JADE2: variants seen among roughly 807,000 people sequenced by gnomAD.
JADE2 encodes the protein jade family PHD finger 2.
JADE2 carries 13 observed loss-of-function variants against 85.7 expected under a neutral mutation model. The observed-to-expected ratio is 0.15, with a 90% CI of 0.10 to 0.24. JADE2 has a LOEUF of 0.24. Among genes scored for constraint, JADE2 ranks in the 10% least tolerant of loss-of-function variants. The pLI is 1.00. For missense variants in JADE2, 846 were observed against 1,115.9 expected, an observed-to-expected ratio of 0.76 and a Z score of 3.45; for synonymous variants, 440 against 456.1, an observed-to-expected ratio of 0.96 and a Z score of 0.45.
At chr5:134,537,897 G>A (rs955179390) in intron 2 of JADE2, 92 bp from the exon 3 acceptor site, 24 of 900,910 alleles carry the variant, frequency 2.7e-5, no homozygotes, top group African/African-American at 2.3e-4. Flanking sequence ...CATTCTAGCC[G>A]GGGCTTTGCT....
At chr5:134,535,978 C>A in intron 2 of JADE2, 63 bp downstream of exon 2, 1 of 1,391,816 alleles carries the variant, frequency 7.2e-7, no homozygotes, top group Non-Finnish European at 1.0e-6. Context: ...GGCCCACAGG[C>A]CCAGATGGGA....
rs1561716509 is a variant in JADE2 at position 134,525,743 on chromosome 5, GT to G, written c.-268del. 1 of 1,226,486 alleles carries G rather than the reference GT, an allele frequency of 8.2e-7. No individual in the cohort carries two copies. The highest frequency in any genetic ancestry group is 1.0e-6 in the Non-Finnish European group (1 of 962,622). The allele number at this position is 1,226,486 out of a possible 1,614,324, so 76.0% of individuals were successfully genotyped here. A position where few individuals can be genotyped will look rare whatever the true frequency, so the allele number is the denominator to read the frequency against. ...AGTTGGAGGCTATTTTTTGGGGGGG[GT>G]GAGTAGCGTCCATGGAGTTACTTTG... On this transcript the variant is annotated 5_prime_UTR_variant, in exon 1 of 12. It introduces an in-frame stop codon into an upstream open reading frame of the 5' UTR. Coordinates refer to ENST00000681547, the MANE Select transcript of JADE2 (RefSeq NM_001388185.1).
At chr5:134,551,516 A>T (rs560356037) in intron 3 of JADE2, among the ~76,000 whole-genome samples, 392 of 147,652 alleles carry the variant, frequency 2.7e-3, no homozygotes, top group South Asian at 6.0e-3. Flanking sequence ...GGTGTGAGCC[A>T]CCTTGCCTGG....
Position 134,535,977 on chromosome 5 carries a change from G to A in JADE2, c.58+62G>A, listed in dbSNP as rs1761560217. On this transcript the variant is annotated intron_variant, in intron 2 of 11. Transcript: ENST00000681547. ...ATTTGAACAGTGATCAGGCCCACAG[G>A]CCCAGATGGGAGGAGGCTGCCCTGT... 6 of 1,394,964 alleles carry A rather than the reference G, an allele frequency of 4.3e-6. No individual in the cohort carries two copies. The East Asian group carries it at 1.4e-4, about 32-fold the overall frequency. The allele number at this position is 1,394,964 out of a possible 1,614,324, so 86.4% of individuals were successfully genotyped here.
intron 3 of JADE2, among the ~76,000 whole-genome samples, chr5:134,541,451 C>T (rs961153863): frequency 6.6e-6 from 1 of 152,254 alleles, no homozygotes; most frequent in African/African-American, 2.4e-5. Context: ...TGGGCGGGGC[C>T]TTTATGGTCT....
At chr5:134,526,452 C>T (rs1760826332) in intron 1 of JADE2, 1 of 985,070 alleles carries the variant, frequency 1.0e-6, no homozygotes, top group Non-Finnish European at 1.2e-6. Flanking sequence ...TCGAGCGGCC[C>T]GGGCGGGGGC....
In JADE2 at chr5:134,536,497, C is replaced by T. The variant is rs910125584; in HGVS notation, c.58+582C>T. On this transcript the variant is annotated intron_variant, in intron 2 of 11. Transcript: ENST00000681547. Reference sequence around the variant, plus strand: ...TGTATGGATTGGCATGTCAATTGGACGTGATGGTTGCGGGGAGGGGTGCGT... The same window carrying T: ...TGTATGGATTGGCATGTCAATTGGATGTGATGGTTGCGGGGAGGGGTGCGT... Among the ~76,000 whole-genome samples, 5 of 152,136 alleles carry T rather than the reference C, an allele frequency of 3.3e-5. No individual in the cohort carries two copies. The East Asian group carries it at 5.8e-4, about 18-fold the overall frequency.
rs764063899 is a variant in JADE2, at chr5:134,576,718, G to T, written c.1553-50G>T. The T allele has an allele frequency of 7.1e-6, 11 of 1,549,066 alleles. No individual in the cohort carries two copies. In the South Asian group the frequency reaches 1.1e-4, roughly 15 times the overall value. On this transcript the variant is annotated intron_variant, in intron 10 of 11. Transcript: ENST00000681547. ...ACGCAGGGATCTTGGTGCTGACCGAGGCCACTCAGGGTAACCATCTCCCTC... is the reference window on the plus strand; with the variant it reads ...ACGCAGGGATCTTGGTGCTGACCGATGCCACTCAGGGTAACCATCTCCCTC...
At chr5:134,551,403 A>G (rs1159753017) in intron 3 of JADE2, among the ~76,000 whole-genome samples, 1 of 151,922 alleles carries the variant, frequency 6.6e-6, no homozygotes, top group South Asian at 2.1e-4. Flanking sequence ...TACTTTTTAA[A>G]TTTTTTGTAA....
chr5:134,543,121 A>G (rs1247599434), intron 3 of JADE2, among the ~76,000 whole-genome samples: 5 of 143,538 alleles, frequency 3.5e-5, no homozygotes, highest in African/African-American at 1.3e-4. Flanking sequence ...TGCAACCTCC[A>G]TCTCCTGGGT....
chr5:134,553,700 G>A (rs372622108), intron 4 of JADE2, among the ~76,000 whole-genome samples: 8 of 152,330 alleles, frequency 5.3e-5, no homozygotes, highest in African/African-American at 1.7e-4. Flanking sequence ...GTTCTTAGAG[G>A]GGGAGTCAAG....
chr5:134,571,951 G>A (rs1471560794), intron 9 of JADE2, among the ~76,000 whole-genome samples: 1 of 152,248 alleles, frequency 6.6e-6, no homozygotes, highest in Non-Finnish European at 1.5e-5. Context: ...GCACCCCCAA[G>A]TGTGGGTCGG....
chr5:134,532,432 T>A (rs1761304485), intron 1 of JADE2, among the ~76,000 whole-genome samples: 1 of 152,152 alleles, frequency 6.6e-6, no homozygotes, highest in Non-Finnish European at 1.5e-5. Flanking sequence ...CACCCACACT[T>A]TGAAGGAGAG....
intron 4 of JADE2, among the ~76,000 whole-genome samples, chr5:134,556,421 C>A (rs1762918873): frequency 6.6e-6 from 1 of 152,044 alleles, no homozygotes; most frequent in Non-Finnish European, 1.5e-5. Flanking sequence ...AACACACACA[C>A]ACACATCACA....
rs1251422721 is a variant in JADE2 at position 134,578,735 on chromosome 5, C to T, written c.1923C>T (p.Arg641=). The T allele has an allele frequency of 1.9e-6, 3 of 1,613,130 alleles. No homozygotes were observed. Among genetic ancestry groups the T allele is most frequent in the Non-Finnish European group, 2.5e-6 (3 of 1,179,872 alleles). ...PGDPARKARG[R]TRLPAKKKPP... is the part of the protein sequence containing the mutation. ...ACCCTGCTAGGAAGGCCCGAGGCCGCACCCGCCTGCCTGCCAAGAAGAAAC... is the reference window on the plus strand; with the variant it reads ...ACCCTGCTAGGAAGGCCCGAGGCCGTACCCGCCTGCCTGCCAAGAAGAAAC... Residue 641 remains arginine (R), a synonymous_variant, in exon 12 of 12, where the codon CGC becomes CGT. Transcript: ENST00000681547. The surrounding 1 kb of genome is among the most constrained non-coding windows in gnomAD (Gnocchi z 4.4).
At chr5:134,544,297 G>A (rs999483420) in intron 3 of JADE2, 1 of 153,496 alleles carries the variant, frequency 6.5e-6, no homozygotes, top group South Asian at 2.1e-4. Flanking sequence ...TGTCCCTGGG[G>A]AGCTTGTCCT....
chr5:134,545,502 C>A (rs1408044020), intron 3 of JADE2, among the ~76,000 whole-genome samples: 1 of 151,416 alleles, frequency 6.6e-6, no homozygotes, highest in South Asian at 2.1e-4. Context: ...GCCCTTCTTT[C>A]GTGTTTTATA....
intron 1 of JADE2, among the ~76,000 whole-genome samples, chr5:134,535,464 C>T (rs190403198): frequency 6.6e-6 from 1 of 152,324 alleles, no homozygotes; most frequent in East Asian, 1.9e-4. Context: ...TACCCACCTA[C>T]CTCCCTAGAG....
In JADE2 at chr5:134,581,933, TTCTG is replaced by T. The variant is rs1336145526; in HGVS notation, c.*2620_*2623del. 2 of 152,254 alleles carry T rather than the reference TTCTG, an allele frequency of 1.3e-5. No individual in the cohort carries two copies. The highest frequency in any genetic ancestry group is 2.9e-5 in the Non-Finnish European group (2 of 68,134). The allele number at this position is 152,254 out of a possible 1,614,324, so 9.4% of individuals were successfully genotyped here. On this transcript the variant is annotated 3_prime_UTR_variant, in exon 12 of 12. Coordinates refer to ENST00000681547, the MANE Select transcript of JADE2 (RefSeq NM_001388185.1). Reference sequence around the variant, plus strand: ...CCTTTCCCCTGTTGGTCACAGCCGCTTCTGTCTTTTTCCGGTCTACTGTCCCCAG... The same window carrying T: ...CCTTTCCCCTGTTGGTCACAGCCGCTTCTTTTTCCGGTCTACTGTCCCCAG...
Sources: allele counts gnomAD v4.1 joint callset (sites outside exome capture counted in the v4.1 genomes callset), GRCh38; gene constraint gnomAD v4.1.1; non-coding constraint Gnocchi (gnomAD v3.1); transcripts MANE v1.5; gene names NCBI Gene and HGNC (gene_info 2026-07-23, HGNC 2026-07-21).